PCLO: variants seen among roughly 807,000 people sequenced by gnomAD.
PCLO encodes the protein protein piccolo.
PCLO carries 82 observed loss-of-function variants against 427.5 expected under a neutral mutation model. The observed-to-expected ratio is 0.19, with a 90% confidence interval of 0.16 to 0.23. The LOEUF (loss-of-function observed/expected upper bound fraction) is 0.23, where lower values mean the gene tolerates loss of function less well. PCLO is among the 10% of genes least tolerant of loss of function. The probability of loss-of-function intolerance (pLI) is 1.00; values close to 1 mark genes in which losing one functional copy is unlikely to be tolerated. For synonymous variants in PCLO, 2,357 were observed against 2,155.4 expected, an observed-to-expected ratio of 1.09 and a Z score of -2.59; for missense variants, 6,239 against 6,115.9, an observed-to-expected ratio of 1.02 and a Z score of -0.67.
In PCLO at chr7:83,155,621, C is replaced by T. The variant is rs760169976; in HGVS notation, c.1020G>A (p.Lys340=). The T allele has an allele frequency of 1.9e-5, 31 of 1,608,184 alleles. No homozygotes were observed. The highest frequency in any genetic ancestry group is 2.4e-5 in the Non-Finnish European group (28 of 1,178,328). ...CTGTCCCTGGTTGTTGAGCCAATGG[C>T]TTTGTTAGCCCTGAGGGCTGAGCTG... ...KPPAQPSGLT[K]PLAQQPGTVK... is the part of the protein sequence containing the mutation. The change falls in exon 2 of 25, where the codon AAG becomes AAA. Residue 340 remains lysine, a synonymous_variant. Transcript: ENST00000333891.
chr7:82,829,382 T>C lies in PCLO; in HGVS notation c.14250-1416A>G, dbSNP rs188472532. ...CTGGGATGAGGCTTGAGTATTAGGATTTTTGAAGGCTCGCAGGTGAATCTA... is the reference window on the plus strand; with the variant it reads ...CTGGGATGAGGCTTGAGTATTAGGACTTTTGAAGGCTCGCAGGTGAATCTA... On this transcript the variant is annotated intron_variant, in intron 16 of 24. Coordinates refer to ENST00000333891, the MANE Select transcript of PCLO (RefSeq NM_033026.6). Among the ~76,000 whole-genome samples the C allele has an allele frequency of 5.9e-5, 9 of 152,214 alleles. No individual in the cohort carries two copies. In the East Asian group the frequency reaches 1.4e-3, roughly 23 times the overall value.
intron 5 of PCLO, 94 bp downstream of exon 5, chr7:82,951,762 A>C: frequency 6.7e-7 from 1 of 1,483,202 alleles, no homozygotes. Flanking sequence ...AAAAGTAACA[A>C]AACTGGAAAA....
At chr7:82,919,683 G>T (rs1388231354) in intron 6 of PCLO, among the ~76,000 whole-genome samples, 1 of 151,704 alleles carries the variant, frequency 6.6e-6, no homozygotes, top group Non-Finnish European at 1.5e-5. Context: ...AATGAAGGAG[G>T]ATGTGGGAAG....
At chr7:83,111,120 TCA>T (rs1280648495) in intron 3 of PCLO, among the ~76,000 whole-genome samples, 1 of 152,234 alleles carries the variant, frequency 6.6e-6, no homozygotes, top group Non-Finnish European at 1.5e-5. Flanking sequence ...CAATGAATTA[TCA>T]CTATATACTT....
At chr7:83,152,204 T>G (rs1486010843) in intron 2 of PCLO, among the ~76,000 whole-genome samples, 1 of 152,166 alleles carries the variant, frequency 6.6e-6, no homozygotes. Context: ...GACCTCGTGA[T>G]CTGCCCGCCT....
At chr7:82,854,661 T>C (rs186752979) in intron 10 of PCLO, among the ~76,000 whole-genome samples, 2 of 152,286 alleles carry the variant, frequency 1.3e-5, no homozygotes, top group East Asian at 3.9e-4. Context: ...TAATATACTC[T>C]GTTTCCATTT....
At chr7:82,980,241 A>T (rs2115768442) in intron 3 of PCLO, among the ~76,000 whole-genome samples, 1 of 152,234 alleles carries the variant, frequency 6.6e-6, no homozygotes, top group African/African-American at 2.4e-5. Flanking sequence ...GAGCCGAGAG[A>T]GAGAAAGAGG....
At position 82,950,100 on chromosome 7, in the gene PCLO, T is replaced by C; in HGVS notation, c.10488A>G (p.Lys3496=). 6.2e-7 allele frequency: 1 copy of C among 1,611,044 alleles called. No homozygotes were observed. Among genetic ancestry groups the C allele is most frequent in the African/African-American group, 1.4e-5 (1 of 73,834 alleles). ...TRSRRKARVG[K]YGDSMTEADK... ...CAGCCTCTGTCATGCTGTCACCATA[T>C]TTCCCTACACGAGCTTTCCTCCTTG... Residue 3496 remains lysine (K), a synonymous_variant, in exon 6 of 25, where the codon AAA becomes AAG. Transcript: ENST00000333891.
At chr7:82,902,009 T>A (rs959608590) in intron 9 of PCLO, among the ~76,000 whole-genome samples, 5 of 151,506 alleles carry the variant, frequency 3.3e-5, no homozygotes, top group African/African-American at 1.2e-4. Flanking sequence ...ATTGTGGAAG[T>A]CAGTGTGGCG....
chr7:83,124,820 T>C (rs1791386415), intron 3 of PCLO, among the ~76,000 whole-genome samples: 1 of 152,148 alleles, frequency 6.6e-6, no homozygotes, highest in Admixed American at 6.5e-5. Flanking sequence ...GGCTGGACTG[T>C]ACTGCTGCGA....
intron 2 of PCLO, among the ~76,000 whole-genome samples, chr7:83,139,487 A>G (rs1791812299): frequency 6.6e-6 from 1 of 152,200 alleles, no homozygotes; most frequent in African/African-American, 2.4e-5. Flanking sequence ...CAACACTGGG[A>G]CACATTTTAT....
intron 1 of PCLO, among the ~76,000 whole-genome samples, chr7:83,156,729 T>C (rs1003488079): frequency 2.6e-5 from 4 of 151,954 alleles, no homozygotes; most frequent in Admixed American, 6.6e-5. Context: ...TAACTAAATA[T>C]AGGTTTAAAT....
chr7:83,072,187 G>A (rs577779509), intron 3 of PCLO, among the ~76,000 whole-genome samples: 1 of 152,074 alleles, frequency 6.6e-6, no homozygotes, highest in Non-Finnish European at 1.5e-5. Flanking sequence ...TAGCAACAAT[G>A]CTTCATAAGA....
At chr7:82,807,225 CTT>C (rs1417936402) in intron 20 of PCLO, among the ~76,000 whole-genome samples, 1 of 150,724 alleles carries the variant, frequency 6.6e-6, no homozygotes, top group African/African-American at 2.4e-5. Flanking sequence ...TTCTTACTGT[CTT>C]TGAGCTTAAA....
At chr7:82,863,206 A>G (rs1374285752) in intron 10 of PCLO, among the ~76,000 whole-genome samples, 3 of 152,024 alleles carry the variant, frequency 2.0e-5, no homozygotes, top group African/African-American at 4.8e-5. Flanking sequence ...ATTATACTAC[A>G]TGATTATTAT....
chr7:83,023,186 G>A (rs1404689511), intron 3 of PCLO, among the ~76,000 whole-genome samples: 1 of 152,082 alleles, frequency 6.6e-6, no homozygotes, highest in African/African-American at 2.4e-5. Context: ...AGAGTATATG[G>A]CAAAATGATT....
chr7:82,921,324 G>A (rs1794590832), intron 6 of PCLO, among the ~76,000 whole-genome samples: 1 of 151,532 alleles, frequency 6.6e-6, no homozygotes, highest in African/African-American at 2.4e-5. Flanking sequence ...AAAGCTAGGG[G>A]CATTATACTA....
At chr7:82,835,769 C>T in intron 15 of PCLO, 76 bp from the exon 16 acceptor site, 1 of 1,100,434 alleles carries the variant, frequency 9.1e-7, no homozygotes, top group Non-Finnish European at 1.4e-6. Flanking sequence ...TAGTTAGGAA[C>T]AGAAATAAGA....
At position 82,951,123 on chromosome 7, in the gene PCLO, T is replaced by G. The variant is rs1434597834; in HGVS notation, c.9465A>C (p.Ala3155=). 2 of 1,613,650 alleles carry G rather than the reference T, an allele frequency of 1.2e-6. No homozygotes were observed. The highest frequency in any genetic ancestry group is 1.7e-6 in the Non-Finnish European group (2 of 1,179,748). ...ITTGASETDI[A]VTGIDISASL... is the part of the protein sequence containing the mutation. Reference sequence around the variant, plus strand: ...TGGCACTGATATCAATACCAGTTACTGCAATGTCCGTTTCAGATGCACCTG... The same window carrying G: ...TGGCACTGATATCAATACCAGTTACGGCAATGTCCGTTTCAGATGCACCTG... Residue 3155 remains alanine (A), a synonymous_variant, in exon 6 of 25, where the codon GCA becomes GCC. Coordinates refer to ENST00000333891, the MANE Select transcript of PCLO (RefSeq NM_033026.6).
Sources: allele counts gnomAD v4.1 joint callset (sites outside exome capture counted in the v4.1 genomes callset), GRCh38; gene constraint gnomAD v4.1.1; transcripts MANE v1.5; gene names NCBI Gene and HGNC (gene_info 2026-07-23, HGNC 2026-07-21).